ALK: variants seen among roughly 807,000 people sequenced by gnomAD.
ALK encodes ALK receptor tyrosine kinase, also known as ALK tyrosine kinase receptor.
Under a neutral mutation model 163.1 loss-of-function variants are expected in ALK, and 74 were observed. The ratio of observed to expected loss-of-function variants is 0.45; its 90% confidence interval spans 0.38 to 0.55. The LOEUF (loss-of-function observed/expected upper bound fraction) is 0.55. Among genes scored for constraint, ALK ranks in the 20% least tolerant of loss-of-function variants. The pLI, the probability that ALK is intolerant of heterozygous loss-of-function variation, is 0.00. For synonymous variants in ALK, 960 were observed against 843.2 expected (o/e 1.14, Z -2.40); for missense variants, 2,063 against 2,105.3 (o/e 0.98, Z 0.39).
Position 29,408,559 on chromosome 2 carries a change from G to A in ALK, c.1155-24700C>T, listed in dbSNP as rs186706783. On this transcript the variant is annotated intron_variant, in intron 4 of 28. Coordinates refer to ENST00000389048, the MANE Select transcript of ALK (RefSeq NM_004304.5). ...GTTAACCTGAAGTCAGTGTTCAATC[G>A]AGGTATATGCATATATTATAGGGAC... 6.6e-4 allele frequency among the ~76,000 whole-genome samples: 100 copies of A among 152,268 alleles called. 1 individual carries two copies. Among genetic ancestry groups the A allele is most frequent in the Admixed American group, 4.9e-3 (75 of 15,304 alleles).
intron 4 of ALK, among the ~76,000 whole-genome samples, chr2:29,516,922 T>C (rs531908387): frequency 7.0e-4 from 107 of 152,246 alleles, no homozygotes; most frequent in Non-Finnish European, 1.4e-3. Context: ...GTTTCAGGCC[T>C]GCCTGGCACA....
intron 3 of ALK, among the ~76,000 whole-genome samples, chr2:29,653,601 AAC>A: frequency 6.6e-6 from 1 of 152,312 alleles, no homozygotes; most frequent in South Asian, 2.1e-4. Context: ...TAAATGTCCC[AAC>A]ATATCCCAAA....
chr2:29,679,841 T>C (rs1473390132), intron 3 of ALK, among the ~76,000 whole-genome samples: 7 of 151,992 alleles, frequency 4.6e-5, no homozygotes, highest in Non-Finnish European at 1.0e-4. Context: ...CATTTCAGCC[T>C]GAAACACTTC....
At chr2:29,567,963 G>A (rs1674242199) in intron 3 of ALK, among the ~76,000 whole-genome samples, 1 of 152,168 alleles carries the variant, frequency 6.6e-6, no homozygotes, top group South Asian at 2.1e-4. Flanking sequence ...TTTAATAACA[G>A]AACATTGAGA....
intron 1 of ALK, among the ~76,000 whole-genome samples, chr2:29,914,612 T>C (rs150706425): frequency 2.0e-4 from 30 of 152,378 alleles, no homozygotes; most frequent in African/African-American, 6.7e-4. Context: ...CACCTTGAAC[T>C]ATTACTATCC....
At chr2:29,352,531 G>C (rs1406228827) in intron 5 of ALK, among the ~76,000 whole-genome samples, 3 of 152,246 alleles carry the variant, frequency 2.0e-5, no homozygotes, top group Admixed American at 1.3e-4. Context: ...ACAGAGGACA[G>C]AATCTCAGGC....
chr2:29,406,183 C>T (rs1004535954), intron 4 of ALK, among the ~76,000 whole-genome samples: 8 of 152,204 alleles, frequency 5.3e-5, no homozygotes, highest in Admixed American at 3.9e-4. Context: ...CAAGTCAACA[C>T]CTATTGTTCC....
intron 6 of ALK, among the ~76,000 whole-genome samples, chr2:29,322,813 G>T (rs1407947814): frequency 2.6e-5 from 4 of 152,184 alleles, no homozygotes; most frequent in Non-Finnish European, 5.9e-5. Flanking sequence ...CAGCCTGGGC[G>T]ACAAGAGCAA....
At chr2:29,632,936 A>G (rs1046080503) in intron 3 of ALK, among the ~76,000 whole-genome samples, 3 of 152,202 alleles carry the variant, frequency 2.0e-5, no homozygotes, top group African/African-American at 7.2e-5. Context: ...TGATTCAATT[A>G]GCTCCCACTG....
intron 2 of ALK, among the ~76,000 whole-genome samples, chr2:29,702,294 A>G (rs1458484217): frequency 6.6e-6 from 1 of 152,132 alleles, no homozygotes; most frequent in African/African-American, 2.4e-5. Context: ...AAATGGCCAC[A>G]CTTCATACTA....
chr2:29,494,718 G>A (rs1671982392), intron 4 of ALK, among the ~76,000 whole-genome samples: 1 of 152,150 alleles, frequency 6.6e-6, no homozygotes, highest in African/African-American at 2.4e-5. Flanking sequence ...GGCCTTTGAG[G>A]TGGCATTACA....
At chr2:29,315,679 G>C (rs1230497597) in intron 8 of ALK, among the ~76,000 whole-genome samples, 1 of 152,186 alleles carries the variant, frequency 6.6e-6, no homozygotes, top group Non-Finnish European at 1.5e-5. Context: ...TTTTCCAGGT[G>C]AATGTGACTG....
chr2:29,371,352 G>A lies in ALK; in HGVS notation c.1282+12380C>T, dbSNP rs114377746. Among the ~76,000 whole-genome samples, 588 of 152,322 alleles carry A rather than the reference G, an allele frequency of 3.9e-3. 3 individuals carry two copies. The highest frequency in any genetic ancestry group is 0.013 in the African/African-American group (543 of 41,570). ...CTGGTACTCCTAGGCTATGCCCCTC[G>A]GCTAGCAAAAGGCTCCCTCACTCCC... On this transcript the variant is annotated intron_variant, in intron 5 of 28. Coordinates refer to ENST00000389048, the MANE Select transcript of ALK (RefSeq NM_004304.5).
rs59288813 is a variant in ALK at position 29,252,437 on chromosome 2, A to T, written c.2042-1170T>A. On this transcript the variant is annotated intron_variant, in intron 11 of 28. Coordinates refer to ENST00000389048, the MANE Select transcript of ALK (RefSeq NM_004304.5). ...AATTTGGGCATGCATAATTTTGCTAAGACATTAAAGTGAAAACATTTTGAA... is the reference window on the plus strand; with the variant it reads ...AATTTGGGCATGCATAATTTTGCTATGACATTAAAGTGAAAACATTTTGAA... Among the ~76,000 whole-genome samples, 706 of 152,362 alleles carry T rather than the reference A, an allele frequency of 4.6e-3. 8 individuals are homozygous for T. The highest frequency in any genetic ancestry group is 0.016 in the African/African-American group (653 of 41,588).
At chr2:29,545,779 C>T (rs1271009447) in intron 3 of ALK, among the ~76,000 whole-genome samples, 1 of 152,174 alleles carries the variant, frequency 6.6e-6, no homozygotes, top group Non-Finnish European at 1.5e-5. Context: ...GAGACTGAAT[C>T]ATTAGAAAAA....
At chr2:29,403,731 A>C (rs1199341869) in intron 4 of ALK, among the ~76,000 whole-genome samples, 1 of 146,236 alleles carries the variant, frequency 6.8e-6, no homozygotes, top group Non-Finnish European at 1.5e-5. Context: ...AAAAAAAAAA[A>C]AAAAAAAGGA....
At chr2:29,893,434 A>G (rs1483980402) in intron 1 of ALK, among the ~76,000 whole-genome samples, 1 of 152,182 alleles carries the variant, frequency 6.6e-6, no homozygotes, top group African/African-American at 2.4e-5. Flanking sequence ...CAAATAAGAA[A>G]ATGGATGTGG....
intron 4 of ALK, among the ~76,000 whole-genome samples, chr2:29,487,022 C>A (rs941274120): frequency 2.6e-5 from 4 of 152,172 alleles, no homozygotes; most frequent in Non-Finnish European, 5.9e-5. Flanking sequence ...ACAATGCCAA[C>A]TAACTGACCT....
intron 4 of ALK, among the ~76,000 whole-genome samples, chr2:29,422,385 C>T (rs1183409467): frequency 2.0e-5 from 3 of 151,304 alleles, no homozygotes; most frequent in African/African-American, 7.4e-5. Context: ...GGGTTCTACT[C>T]ACTCAGATGA....
Sources: gnomAD v4.1 joint callset for allele counts (sites outside exome capture counted in the v4.1 genomes callset) on GRCh38, gnomAD v4.1.1 for gene constraint, MANE v1.5 for transcripts, NCBI Gene and HGNC (gene_info 2026-07-23, HGNC 2026-07-21) for gene names.